The following RUVBL1 variants were observed in gnomAD, a reference collection of about 807,000 sequenced individuals.
The protein encoded by RUVBL1 is ruvB-like 1.
In RUVBL1, 4 loss-of-function variants were observed where a neutral mutation model predicts 52.4. The ratio of observed to expected loss-of-function variants is 0.08; its 90% CI spans 0.04 to 0.17. The LOEUF is 0.17. Among genes scored for constraint, RUVBL1 ranks in the 10% least tolerant of loss-of-function variants. RUVBL1 has a pLI of 1.00. For missense variants in RUVBL1, 298 were observed against 572.8 expected (o/e 0.52, Z 4.90); for synonymous variants, 217 against 214.4 (o/e 1.01, Z -0.10).
intron 9 of RUVBL1, among the ~76,000 whole-genome samples, chr3:128,066,369 T>C (rs938842434): frequency 6.6e-6 from 1 of 151,986 alleles, no homozygotes; most frequent in African/African-American, 2.4e-5. Context: ...TGATAGGCTC[T>C]GTCTTTTGGA....
chr3:128,146,276 GTA>G (rs1944101817), intron 1 of RUVBL1, among the ~76,000 whole-genome samples: 1 of 152,112 alleles, frequency 6.6e-6, no homozygotes, highest in African/African-American at 2.4e-5. Context: ...CATGGTGTGT[GTA>G]TGTGTGTGTA....
intron 3 of RUVBL1, among the ~76,000 whole-genome samples, chr3:128,106,164 G>A: frequency 6.6e-6 from 1 of 152,128 alleles, no homozygotes. Context: ...ACAGGTGTGA[G>A]CTACCATTCC....
chr3:128,144,048 T>C (rs151154989), intron 1 of RUVBL1, among the ~76,000 whole-genome samples: 63 of 152,298 alleles, frequency 4.1e-4, no homozygotes, highest in African/African-American at 1.4e-3. Flanking sequence ...ATATCAGGCT[T>C]CCTTGACCCG....
chr3:128,105,932 C>T (rs1451251855), intron 3 of RUVBL1, among the ~76,000 whole-genome samples: 10 of 136,340 alleles, frequency 7.3e-5, no homozygotes, highest in African/African-American at 1.4e-4. Context: ...TGCAATGGTG[C>T]GAACTTGGCT....
intron 6 of RUVBL1, among the ~76,000 whole-genome samples, chr3:128,099,690 T>C (rs1943070656): frequency 6.6e-6 from 1 of 152,200 alleles, no homozygotes; most frequent in South Asian, 2.1e-4. Flanking sequence ...TACCAGGCCC[T>C]GAGACACAGA....
At chr3:128,080,535 C>T (rs1014039400), downstream of RUVBL1, among the ~76,000 whole-genome samples, 13 of 152,164 alleles carry the variant, frequency 8.5e-5, no homozygotes, top group African/African-American at 3.1e-4. Context: ...ACACATGATA[C>T]GATGTGATCA....
chr3:128,065,803 C>T (rs1322438274), intron 9 of RUVBL1, among the ~76,000 whole-genome samples: 1 of 139,336 alleles, frequency 7.2e-6, no homozygotes, highest in Non-Finnish European at 1.5e-5. Context: ...GTGGCGCGAT[C>T]TCGACTCGAC....
chr3:128,122,349 A>C (rs991390386), intron 1 of RUVBL1, among the ~76,000 whole-genome samples: 2 of 152,248 alleles, frequency 1.3e-5, no homozygotes, highest in African/African-American at 4.8e-5. Context: ...AGCACAGTAA[A>C]ATGTTAATTA....
intron 9 of RUVBL1, chr3:128,066,898 G>C (rs1359090859): frequency 1.9e-6 from 3 of 1,572,324 alleles, no homozygotes; most frequent in Admixed American, 3.3e-5. Flanking sequence ...CTGTGTTTCT[G>C]TGCAGCAGGC....
chr3:128,095,876 C>T (rs894067636), intron 8 of RUVBL1, among the ~76,000 whole-genome samples: 5 of 152,282 alleles, frequency 3.3e-5, no homozygotes, highest in African/African-American at 1.2e-4. Flanking sequence ...CCCGCCTCAG[C>T]CTCCCAGAGA....
chr3:128,090,385 G>A (rs907442415), intron 8 of RUVBL1, among the ~76,000 whole-genome samples: 5 of 152,206 alleles, frequency 3.3e-5, no homozygotes, highest in African/African-American at 4.8e-5. Flanking sequence ...CGGGCGTGGT[G>A]GCGGGCGCCT....
chr3:128,139,924 C>A (rs868854505), intron 1 of RUVBL1, among the ~76,000 whole-genome samples: 1 of 151,992 alleles, frequency 6.6e-6, no homozygotes, highest in Non-Finnish European at 1.5e-5. Flanking sequence ...TTAATGGGTA[C>A]AAAACTATAG....
chr3:128,131,560 T>G (rs1943877345), intron 1 of RUVBL1, among the ~76,000 whole-genome samples: 1 of 152,144 alleles, frequency 6.6e-6, no homozygotes, highest in Non-Finnish European at 1.5e-5. Flanking sequence ...AGATCCTGTA[T>G]GAATATAGAT....
chr3:128,128,007 A>ATAC (rs1943817999), upstream of RUVBL1, among the ~76,000 whole-genome samples: 1 of 148,886 alleles, frequency 6.7e-6, no homozygotes, highest in Non-Finnish European at 1.5e-5. Context: ...AAAAATAATA[A>ATAC]ATACATACAT....
Position 128,150,739 on chromosome 3 carries a change from C to CTA in RUVBL1, c.-40+2462_-40+2463dup, listed in dbSNP as rs1300123408. On this transcript the variant is annotated intron_variant, in intron 1 of 9. Coordinates refer to the RUVBL1 transcript ENST00000464873. The stretch of plus-strand genomic sequence containing the variant: ...ATATATTATATATTCTATATATATT[C>CTA]TATATTATATATTCTCTATATATTC... Among the ~76,000 whole-genome samples, 921 of 98,922 alleles carry CTA rather than the reference C, an allele frequency of 9.3e-3. 71 individuals carry two copies. The highest frequency in any genetic ancestry group is 0.035 in the African/African-American group (835 of 24,182). 64.9% of individuals were successfully genotyped at this position (98,922 alleles called of 152,430 possible). A position where few individuals can be genotyped will look rare whatever the true frequency, so the allele number is the denominator to read the frequency against.
chr3:128,112,761 A>C (rs551782628), intron 3 of RUVBL1, 127 bp downstream of exon 3: 1 of 1,064,738 alleles, frequency 9.4e-7, no homozygotes, highest in Non-Finnish European at 1.4e-6. Context: ...ATGCACTACT[A>C]AGTGCCAAAA....
intron 2 of RUVBL1, among the ~76,000 whole-genome samples, chr3:128,115,964 A>G (rs1041284322): frequency 6.6e-6 from 1 of 151,886 alleles, no homozygotes; most frequent in Non-Finnish European, 1.5e-5. Flanking sequence ...CATCTCTACG[A>G]AAACTACAAA....
At chr3:128,145,450 G>A (rs1419238123) in intron 1 of RUVBL1, among the ~76,000 whole-genome samples, 1 of 152,230 alleles carries the variant, frequency 6.6e-6, no homozygotes, top group Non-Finnish European at 1.5e-5. Context: ...CAAAAAGCAT[G>A]ACTGTGCAGA....
chr3:128,153,887 C>G, exon 1 of RUVBL1: 1 of 1,438,404 alleles, frequency 7.0e-7, no homozygotes, highest in Non-Finnish European at 9.0e-7. Flanking sequence ...GGCCCCGTGT[C>G]CGAATTCGCT....
Sources: gnomAD v4.1 joint callset for allele counts (sites outside exome capture counted in the v4.1 genomes callset) on GRCh38, gnomAD v4.1.1 for gene constraint, MANE v1.5 for transcripts, NCBI Gene and HGNC (gene_info 2026-07-23, HGNC 2026-07-21) for gene names.